Variants in NLRC3 observed in about 807,000 individuals in gnomAD.
NLRC3 encodes NLR family CARD domain containing 3.
In NLRC3, 87 loss-of-function variants were observed where a neutral mutation model predicts 91.6. The observed-to-expected ratio is 0.95, with a 90% confidence interval of 0.80 to 1.14. The LOEUF is 1.14. NLRC3 is among the 50% of genes most tolerant of loss of function. The pLI is 0.00. For synonymous variants in NLRC3, 694 were observed against 625.3 expected, an observed-to-expected ratio of 1.11 and a Z score of -1.64; for missense variants, 1,577 against 1,418.6, an observed-to-expected ratio of 1.11 and a Z score of -1.79.
chr16:3,564,328 C>T lies in NLRC3; in HGVS notation c.609G>A (p.Glu203=), dbSNP rs780962923. ...CTGGGACTGCCACCGCCAGGCTGGG[C>T]TCCCCGACGTGCGGGAAGACCGAGC... The part of the protein sequence containing the change: ...LICSVFPHVG[E]PSLAVAVPAR... The change falls in exon 5 of 20, where the codon GAG becomes GAA. Residue 203 remains glutamate, a synonymous_variant. Transcript: ENST00000359128. The surrounding 1 kb of genome is among the most constrained non-coding windows in gnomAD (Gnocchi z 5.9). 4 of 1,611,488 alleles carry T rather than the reference C, an allele frequency of 2.5e-6. No homozygotes were observed. In the South Asian group the frequency reaches 4.4e-5, roughly 18 times the overall value.
intron 11 of NLRC3, 36 bp downstream of exon 11, chr16:3,550,378 C>T: frequency 1.4e-6 from 2 of 1,432,586 alleles, no homozygotes; most frequent in Non-Finnish European, 2.0e-6. Context: ...GGAAAGAGAA[C>T]CCAGGGGGAA....
chr16:3,573,614 C>T (rs536287208), intron 1 of NLRC3, among the ~76,000 whole-genome samples: 36 of 152,272 alleles, frequency 2.4e-4, no homozygotes, highest in African/African-American at 8.4e-4. Flanking sequence ...TGTGCACCCA[C>T]CAGGTGACCA....
intron 1 of NLRC3, among the ~76,000 whole-genome samples, chr16:3,572,655 A>G (rs2040139297): frequency 6.6e-6 from 1 of 152,102 alleles, no homozygotes; most frequent in Admixed American, 6.6e-5. Context: ...GATTATAATA[A>G]CCATTATCTG....
intron 17 of NLRC3, chr16:3,543,050 C>T (rs2151079622): frequency 1.9e-6 from 1 of 512,914 alleles, no homozygotes; most frequent in South Asian, 2.3e-5. Context: ...ACAGGAGAGG[C>T]AGCCCTCCAT....
At position 3,544,302 on chromosome 16, in the gene NLRC3, G is replaced by A. The variant is rs758978236; in HGVS notation, c.2799C>T (p.Asp933=). 2.1e-5 allele frequency: 34 copies of A among 1,613,106 alleles called. No individual in the cohort carries two copies. Among genetic ancestry groups the A allele is most frequent in the African/African-American group, 1.1e-4 (8 of 74,868 alleles). ...GTGCACGGGCCACCGCACACGCTCC[G>A]TCATCCCCGATGGCGTTCTCCTGTA... ...LDLQENAIGD[D]GACAVARALK... Residue 933 remains aspartate, a synonymous_variant, in exon 16 of 20, where the codon GAC becomes GAT. Transcript: ENST00000359128.
chr16:3,577,280 G>A lies in NLRC3; in HGVS notation c.-300C>T, dbSNP rs2040343114. On this transcript the variant is annotated 5_prime_UTR_variant, in exon 1 of 20. Coordinates refer to ENST00000359128, the MANE Select transcript of NLRC3 (RefSeq NM_178844.4). ...GCCCTGGGAATCCCTGTGCCAGCCT[G>A]AGTTCTCAGGACCAGGGATCAGGGC... The A allele has an allele frequency of 1.4e-6, 1 of 690,816 alleles. No homozygotes were observed. Among genetic ancestry groups the A allele is most frequent in the South Asian group, 1.5e-5 (1 of 65,738 alleles). The allele number at this position is 690,816 out of a possible 1,614,324, so 42.8% of individuals were successfully genotyped here.
Position 3,544,610 on chromosome 16 carries a change from G to A in NLRC3, c.2772-281C>T, listed in dbSNP as rs563385518. 12 of 400,782 alleles carry A rather than the reference G, an allele frequency of 3.0e-5. No individual in the cohort carries two copies. The Admixed American group carries it at 3.5e-4, about 12-fold the overall frequency. 24.8% of individuals were successfully genotyped at this position (400,782 alleles called of 1,614,324 possible). The stretch of plus-strand genomic sequence containing the variant: ...CAGCAGGGGCTTGGGACCCAAAAGG[G>A]GATGCTTTTCACAGCCAACCAGAAA... On this transcript the variant is annotated intron_variant, in intron 15 of 19. Coordinates refer to ENST00000359128, the MANE Select transcript of NLRC3 (RefSeq NM_178844.4).
At position 3,563,274 on chromosome 16, in the gene NLRC3, G is replaced by A. The variant is rs553691177; in HGVS notation, c.1663C>T (p.Arg555Cys). The A allele has an allele frequency of 1.6e-5, 26 of 1,605,014 alleles. No homozygotes were observed. Among genetic ancestry groups the A allele is most frequent in the Admixed American group, 8.4e-5 (5 of 59,518 alleles). Residue 555 changes from arginine to cysteine, a missense_variant, in exon 5 of 20, where the codon CGC becomes TGC. Arg to Cys is a radical substitution (Grantham distance 180). Transcript: ENST00000359128. ...QVAELLQGCL[R>C]PDAAVCARAI... ...CGTGCACAGACTGCGGCATCGGGGC[G>A]CAGGCAGCCCTGCAGGAGCTCAGCC...
chr16:3,543,570 G>A (rs528431911), intron 16 of NLRC3, 62 bp from the exon 17 acceptor site: 18 of 1,123,138 alleles, frequency 1.6e-5, no homozygotes, highest in East Asian at 1.2e-4. Flanking sequence ...CGCATACTCC[G>A]TTCCCTTTCA....
chr16:3,551,599 C>A (rs1343260684), intron 10 of NLRC3, among the ~76,000 whole-genome samples: 1 of 150,966 alleles, frequency 6.6e-6, no homozygotes, highest in Non-Finnish European at 1.5e-5. Context: ...ATCCACTCAT[C>A]CACCCATCCA....
intron 1 of NLRC3, among the ~76,000 whole-genome samples, chr16:3,571,559 AAAGC>A (rs1442840662): frequency 1.3e-5 from 2 of 150,886 alleles, no homozygotes; most frequent in Non-Finnish European, 3.0e-5. Context: ...AAAAAAAAAA[AAAGC>A]AGAATTCATG....
chr16:3,551,971 A>T (rs1340265525), intron 10 of NLRC3, among the ~76,000 whole-genome samples: 6 of 135,086 alleles, frequency 4.4e-5, no homozygotes, highest in African/African-American at 1.7e-4. Flanking sequence ...TCATCAGTGT[A>T]TCCCTTCATT....
chr16:3,549,570 G>A, intron 12 of NLRC3, 127 bp downstream of exon 12: 1 of 756,044 alleles, frequency 1.3e-6, no homozygotes, highest in South Asian at 1.7e-5. Context: ...GCAGGAAAAG[G>A]GCCAGGCTGC....
At position 3,541,668 on chromosome 16, in the gene NLRC3, T is replaced by A. The variant is rs943420528; in HGVS notation, c.*157A>T. The A allele has an allele frequency of 3.9e-5, 24 of 615,872 alleles. No individual in the cohort carries two copies. The Middle Eastern group carries it at 2.6e-3, about 66-fold the overall frequency. The allele number at this position is 615,872 out of a possible 1,614,324, so 38.2% of individuals were successfully genotyped here. ...TGCAGCAGAAGAGGAGCTCACGACC[T>A]CCTCCGGCAGCACCTCTCCTTCCTC... On this transcript the variant is annotated 3_prime_UTR_variant, in exon 20 of 20. Coordinates refer to ENST00000359128, the MANE Select transcript of NLRC3 (RefSeq NM_178844.4).
At chr16:3,573,463 T>C (rs1413064180) in intron 1 of NLRC3, among the ~76,000 whole-genome samples, 1 of 152,060 alleles carries the variant, frequency 6.6e-6, no homozygotes, top group Non-Finnish European at 1.5e-5. Context: ...ATCTAAACAT[T>C]CAAAGGTATG....
chr16:3,549,582 A>G, intron 12 of NLRC3, 115 bp downstream of exon 12: 1 of 821,950 alleles, frequency 1.2e-6, no homozygotes, highest in South Asian at 1.6e-5. Context: ...CCAGGCTGCC[A>G]GGAAGGCTTC....
At chr16:3,574,897 G>A (rs2040228713) in intron 1 of NLRC3, among the ~76,000 whole-genome samples, 1 of 152,188 alleles carries the variant, frequency 6.6e-6, no homozygotes. Context: ...AGGAGGTGGA[G>A]GCTGCAGTGA....
intron 1 of NLRC3, among the ~76,000 whole-genome samples, chr16:3,576,888 T>TCA (rs2040323233): frequency 6.6e-6 from 1 of 152,160 alleles, no homozygotes; most frequent in African/African-American, 2.4e-5. Flanking sequence ...CAGGCTAGTC[T>TCA]CAAAGTCCTG....
intron 15 of NLRC3, chr16:3,544,973 CAGG>C: frequency 6.5e-6 from 1 of 152,754 alleles, no homozygotes; most frequent in East Asian, 1.9e-4. Flanking sequence ...GCATTACAGG[CAGG>C]AGCCACCACG....
Sources: gnomAD v4.1 joint callset for allele counts (sites outside exome capture counted in the v4.1 genomes callset) on GRCh38, gnomAD v4.1.1 for gene constraint, Gnocchi (gnomAD v3.1) non-coding constraint, MANE v1.5 for transcripts, NCBI Gene and HGNC (gene_info 2026-07-23, HGNC 2026-07-21) for gene names.